The following MICAL2 variants were observed in gnomAD, a reference collection of about 807,000 sequenced individuals.
The protein encoded by MICAL2 is microtubule associated monooxygenase, calponin and LIM domain containing 2.
In MICAL2, 77 loss-of-function variants were observed where a neutral mutation model predicts 127.3. The observed-to-expected ratio is 0.60, with a 90% CI of 0.50 to 0.73. MICAL2 has a LOEUF of 0.73. Ranked by LOEUF, MICAL2 falls within the 30% of genes least tolerant of loss-of-function variation. The pLI, the probability that MICAL2 is intolerant of heterozygous loss-of-function variation, is 0.00. For missense variants in MICAL2, 1,351 were observed against 1,434.4 expected (o/e 0.94, Z 0.94); for synonymous variants, 570 against 551.1 (o/e 1.03, Z -0.48).
chr11:12,130,131 TC>T (rs902204885), intron 1 of MICAL2, among the ~76,000 whole-genome samples: 2 of 152,184 alleles, frequency 1.3e-5, no homozygotes, highest in Non-Finnish European at 2.9e-5. Flanking sequence ...CACTCCATTG[TC>T]CCTTCTCTGT....
intron 3 of MICAL2, among the ~76,000 whole-genome samples, chr11:12,181,096 A>C (rs530906290): frequency 6.6e-6 from 1 of 151,940 alleles, no homozygotes; most frequent in Non-Finnish European, 1.5e-5. Context: ...GGCACCTGCC[A>C]CCATGCCTGG....
chr11:12,210,640 G>A (rs565551538), intron 6 of MICAL2, among the ~76,000 whole-genome samples: 2 of 152,290 alleles, frequency 1.3e-5, no homozygotes, highest in South Asian at 2.1e-4. Flanking sequence ...AGTACTGTTG[G>A]AATTTTACAC....
Position 12,262,516 on chromosome 11 carries a change from G to A in MICAL2, c.3371G>A (p.Gly1124Asp), listed in dbSNP as rs140823700. 347 of 1,613,380 alleles carry A rather than the reference G, an allele frequency of 2.2e-4. 1 individual carries two copies. The African/African-American group carries it at 4.3e-3, about 20-fold the overall frequency. The change falls in exon 27 of 28, where the codon GGC becomes GAC. Residue 1124 changes from glycine (G) to aspartate (D), a missense_variant. Physicochemically the swap from Gly to Asp is moderately conservative, Grantham distance 94. This residue lies in a region of MICAL2 where 752 missense variants were observed against 719.4 expected (regional missense o/e 1.05). Coordinates refer to ENST00000683283, the MANE Select transcript of MICAL2 (RefSeq NM_001282663.2). Reference protein sequence around the residue: ...FSLPVLHPLLG With the variant: ...FSLPVLHPLLD ...CTTCCAGTGCTACACCCACTTCTTG[G>A]CTGACACACTTCTGCTCTAAGGTGA... is the stretch of plus-strand genomic sequence containing the variant.
chr11:12,185,445 T>C (rs942426600), intron 3 of MICAL2, among the ~76,000 whole-genome samples: 7 of 152,132 alleles, frequency 4.6e-5, no homozygotes, highest in Non-Finnish European at 7.3e-5. Flanking sequence ...TATCCTTTCA[T>C]CTTGATCCAA....
chr11:12,293,915 A>G (rs775891701), downstream of MICAL2: 17 of 1,612,500 alleles, frequency 1.1e-5, no homozygotes, highest in Non-Finnish European at 1.4e-5. Flanking sequence ...TACTGGAGCC[A>G]GGAAGGAAGA....
chr11:12,259,539 G>C, intron 25 of MICAL2: 1 of 395,292 alleles, frequency 2.5e-6, no homozygotes, highest in Non-Finnish European at 4.5e-6. Context: ...TTATTTACTT[G>C]ATGTATATCA....
chr11:12,212,064 AAAG>A (rs1431499201), intron 6 of MICAL2, among the ~76,000 whole-genome samples: 2 of 152,108 alleles, frequency 1.3e-5, no homozygotes, highest in African/African-American at 4.8e-5. Context: ...CCTCATAGAC[AAAG>A]AAGAAGTCTC....
In MICAL2 at chr11:12,204,278, G is replaced by A; in HGVS notation, c.293G>A (p.Gly98Asp). ...CTCATAGTTGGGGGAGGACCCTGTGGCTTGCGCACTGCCATTGAACTTGCC... is the reference window on the plus strand; with the variant it reads ...CTCATAGTTGGGGGAGGACCCTGTGACTTGCGCACTGCCATTGAACTTGCC... ...KCLIVGGGPC[G>D]LRTAIELAYL... The change falls in exon 4 of 28, where the codon GGC becomes GAC. Residue 98 changes from glycine (G) to aspartate (D), a missense_variant. Gly to Asp is a moderately conservative substitution (Grantham distance 94). Coordinates refer to ENST00000683283, the MANE Select transcript of MICAL2 (RefSeq NM_001282663.2). 1 of 1,614,124 alleles carries A rather than the reference G, an allele frequency of 6.2e-7. No individual in the cohort carries two copies. Among genetic ancestry groups the A allele is most frequent in the South Asian group, 1.1e-5 (1 of 91,076 alleles).
chr11:12,136,994 G>A (rs1851891797), intron 1 of MICAL2, among the ~76,000 whole-genome samples: 1 of 152,220 alleles, frequency 6.6e-6, no homozygotes, highest in Non-Finnish European at 1.5e-5. Context: ...ATGGAATTCT[G>A]TACCAGGATG....
At chr11:12,155,662 T>C (rs1368067289) in intron 2 of MICAL2, among the ~76,000 whole-genome samples, 1 of 152,214 alleles carries the variant, frequency 6.6e-6, no homozygotes, top group African/African-American at 2.4e-5. Flanking sequence ...CTTCTCTCTC[T>C]CTTTTTAAGG....
chr11:12,168,117 C>T (rs188746636), intron 3 of MICAL2, among the ~76,000 whole-genome samples: 240 of 150,308 alleles, frequency 1.6e-3, no homozygotes, highest in African/African-American at 5.6e-3. Context: ...AATTGGGCGA[C>T]ATAGTGAGAC....
intron 2 of MICAL2, among the ~76,000 whole-genome samples, chr11:12,160,497 A>G (rs988601629): frequency 6.6e-6 from 1 of 151,492 alleles, no homozygotes; most frequent in Admixed American, 6.6e-5. Context: ...TCCCCACCGC[A>G]CCTCCTCACG....
chr11:12,345,545 T>C (rs143139995), intron 32 of MICAL2, among the ~76,000 whole-genome samples: 3 of 152,296 alleles, frequency 2.0e-5, no homozygotes, highest in Admixed American at 2.0e-4. Flanking sequence ...TCAGGAGAAA[T>C]GTGTCAGCTG....
At chr11:12,208,791 G>C (rs2134162841) in intron 5 of MICAL2, among the ~76,000 whole-genome samples, 1 of 152,296 alleles carries the variant, frequency 6.6e-6, no homozygotes, top group Non-Finnish European at 1.5e-5. Flanking sequence ...GCCTGGGAAG[G>C]GCTTTGAGTT....
intron 21 of MICAL2, among the ~76,000 whole-genome samples, chr11:12,246,680 G>A (rs574281988): frequency 1.4e-4 from 21 of 152,242 alleles, no homozygotes; most frequent in African/African-American, 4.6e-4. Context: ...AGCTCACTGC[G>A]TCCTCAAACT....
In MICAL2 at chr11:12,236,169, C is replaced by T. The variant is rs1859030348; in HGVS notation, c.1996-8C>T. 6.2e-7 allele frequency: 1 copy of T among 1,613,788 alleles called. No individual in the cohort carries two copies. ...CCAGAGCTCACCCTGCTTTCTTGGCCATTGCAGGTGGATGGTCAAACCGGA... is the reference window on the plus strand; with the variant it reads ...CCAGAGCTCACCCTGCTTTCTTGGCTATTGCAGGTGGATGGTCAAACCGGA... On this transcript the variant is annotated splice_polypyrimidine_tract_variant and splice_region_variant and intron_variant, in intron 15 of 27. Transcript: ENST00000683283.
At chr11:12,280,933 C>T in exon 2 of MICAL2, 1 of 399,154 alleles carries the variant, frequency 2.5e-6, no homozygotes, top group South Asian at 1.3e-4. Flanking sequence ...CTCCTTCCAG[C>T]TCTGACACAG....
At chr11:12,343,211 C>T (rs191640667) in intron 32 of MICAL2, among the ~76,000 whole-genome samples, 2 of 152,058 alleles carry the variant, frequency 1.3e-5, no homozygotes, top group African/African-American at 4.8e-5. Flanking sequence ...AGTTCGAGAC[C>T]AGCCTGGCCA....
At chr11:12,181,598 A>G (rs1857489885) in intron 3 of MICAL2, among the ~76,000 whole-genome samples, 1 of 152,222 alleles carries the variant, frequency 6.6e-6, no homozygotes, top group African/African-American at 2.4e-5. Context: ...AAGTAGGTAG[A>G]TGTGTTTAAC....
Sources: gnomAD v4.1 joint callset for allele counts (sites outside exome capture counted in the v4.1 genomes callset) on GRCh38, gnomAD v4.1.1 for gene constraint, gnomAD v4.1.1 regional missense constraint, MANE v1.5 for transcripts, NCBI Gene and HGNC (gene_info 2026-07-23, HGNC 2026-07-21) for gene names.